The following UBAP2L variants were observed in gnomAD, a reference collection of about 807,000 sequenced individuals.
The protein encoded by UBAP2L is ubiquitin associated protein 2 like.
A neutral mutation model predicts 130.6 loss-of-function variants in UBAP2L; 12 were observed. The observed-to-expected ratio is 0.09, with a 90% CI of 0.06 to 0.15. The LOEUF is 0.15. Among genes scored for constraint, UBAP2L ranks in the 10% least tolerant of loss-of-function variants. The pLI is 1.00. For synonymous variants in UBAP2L, 503 were observed against 524.7 expected (o/e 0.96, Z 0.57); for missense variants, 965 against 1,332.5 (o/e 0.72, Z 4.29).
chr1:154,262,955 C>T, intron 24 of UBAP2L: 2 of 730,364 alleles, frequency 2.7e-6, no homozygotes, highest in South Asian at 2.0e-5. Flanking sequence ...AGAGAATTGG[C>T]ATACCTGATT....
At chr1:154,221,007 GGCGGCGGCGGCAGCGGCAGC>G in intron 1 of UBAP2L, 32 bp downstream of exon 1, 1 of 198,862 alleles carries the variant, frequency 5.0e-6, no homozygotes, top group South Asian at 6.0e-5. Flanking sequence ...CGTTGGCGGC[GGCGGCGGCGGCAGCGGCAGC>G]GCGGCGGGGC....
downstream of UBAP2L, chr1:154,271,043 T>A: frequency 8.5e-7 from 1 of 1,170,186 alleles, no homozygotes. Flanking sequence ...TTGAGGGGAT[T>A]TCCTTCCCCT....
At chr1:154,232,877 A>G (rs1180214670) in intron 4 of UBAP2L, among the ~76,000 whole-genome samples, 1 of 152,058 alleles carries the variant, frequency 6.6e-6, no homozygotes, top group African/African-American at 2.4e-5. Context: ...TTAAATTTTT[A>G]GTAGAGACCA....
chr1:154,256,938 C>A, intron 18 of UBAP2L, 125 bp from the exon 19 acceptor site: 1 of 1,118,770 alleles, frequency 8.9e-7, no homozygotes, highest in Non-Finnish European at 1.3e-6. Flanking sequence ...ACCTTGCCTA[C>A]TTGGCCTCTT....
chr1:154,225,263 C>G, intron 2 of UBAP2L, 50 bp downstream of exon 2: 3 of 1,585,424 alleles, frequency 1.9e-6, no homozygotes, highest in African/African-American at 2.7e-5. Flanking sequence ...CCTGCTGATA[C>G]TGGTTTCCAT....
At chr1:154,250,217 C>A (rs1677059089) in intron 12 of UBAP2L, among the ~76,000 whole-genome samples, 1 of 152,220 alleles carries the variant, frequency 6.6e-6, no homozygotes, top group South Asian at 2.1e-4. Flanking sequence ...TACCACCATG[C>A]CTGGCTAATT....
At chr1:154,255,486 T>C (rs1393842024) in intron 17 of UBAP2L, among the ~76,000 whole-genome samples, 160 bp downstream of exon 17, 4 of 152,220 alleles carry the variant, frequency 2.6e-5, no homozygotes, top group Non-Finnish European at 5.9e-5. Flanking sequence ...AGGAGGCTTG[T>C]TTTAATTTTC....
chr1:154,258,625 G>A (rs570074697), intron 20 of UBAP2L: 89 of 163,422 alleles, frequency 5.4e-4, no homozygotes, highest in Non-Finnish European at 8.7e-4. Context: ...TCTTTCCAGA[G>A]GAGATTATTT....
At position 154,270,636 on chromosome 1, in the gene UBAP2L, A is replaced by C. The variant is rs2149129027; in HGVS notation, c.*341A>C. Reference sequence around the variant, plus strand: ...GATGAGGCGGGGAGGTGGGACCCCCAAACATATATCAGCCCAACAGCCCTA... The same window carrying C: ...GATGAGGCGGGGAGGTGGGACCCCCCAACATATATCAGCCCAACAGCCCTA... On this transcript the variant is annotated 3_prime_UTR_variant, in exon 27 of 27. Coordinates refer to ENST00000428931, the MANE Select transcript of UBAP2L (RefSeq NM_014847.4). 7.1e-7 allele frequency: 1 copy of C among 1,412,686 alleles called. No homozygotes were observed. The highest frequency in any genetic ancestry group is 1.4e-5 in the African/African-American group (1 of 69,352). The allele number at this position is 1,412,686 out of a possible 1,614,324, so 87.5% of individuals were successfully genotyped here.
Position 154,243,322 on chromosome 1 carries a change from T to C in UBAP2L, c.842+20T>C. On this transcript the variant is annotated intron_variant, in intron 10 of 26. Transcript: ENST00000428931. The stretch of plus-strand genomic sequence containing the variant: ...TCAGAGGCAAGTGTGCAGTAAAATT[T>C]AGTACCATTTCTTAAACACATCTGC... 3.1e-6 allele frequency: 5 copies of C among 1,607,716 alleles called. No individual in the cohort carries two copies. The highest frequency in any genetic ancestry group is 2.6e-6 in the Non-Finnish European group (3 of 1,175,238).
rs11412846 is a variant in UBAP2L at position 154,254,816 on chromosome 1, GT to G, written c.1855-6del. On this transcript the variant is annotated intron_variant, in intron 15 of 26. Transcript: ENST00000428931. The stretch of plus-strand genomic sequence containing the variant: ...GAGTTTGTCTGTTTCTTGCTCTTCT[GT>G]TTTTTTTTTTTTTACCAGAATGGCT... 0.018 allele frequency: 25,354 copies of G among 1,439,338 alleles called. No individual in the cohort carries two copies. The highest frequency in any genetic ancestry group is 0.019 in the Non-Finnish European group (20,387 of 1,063,678). The allele number at this position is 1,439,338 out of a possible 1,614,324, so 89.2% of individuals were successfully genotyped here. A position where few individuals can be genotyped will look rare whatever the true frequency, so the allele number is the denominator to read the frequency against.
At chr1:154,236,105 G>A (rs937403855) in intron 6 of UBAP2L, among the ~76,000 whole-genome samples, 2 of 152,154 alleles carry the variant, frequency 1.3e-5, no homozygotes, top group Non-Finnish European at 1.5e-5. Flanking sequence ...AGTAATGATT[G>A]TCCTACTCTA....
chr1:154,257,382 C>A lies in UBAP2L; in HGVS notation c.2390C>A (p.Pro797Gln). The change falls in exon 20 of 27, where the codon CCG becomes CAG. Residue 797 changes from proline to glutamine, a missense_variant. This residue lies in a region of UBAP2L where 393 missense variants were observed against 408.1 expected (regional missense o/e 0.96). Transcript: ENST00000428931. ...CCCAACCTCCCTCCTGGGGTCCCGCCGTTGTTGCCTAATCCGTATATTATG... is the reference window on the plus strand; with the variant it reads ...CCCAACCTCCCTCCTGGGGTCCCGCAGTTGTTGCCTAATCCGTATATTATG... ...APPNLPPGVP[P>Q]LLPNPYIMAP... 1.2e-6 allele frequency: 2 copies of A among 1,613,524 alleles called. No homozygotes were observed. Among genetic ancestry groups the A allele is most frequent in the Non-Finnish European group, 1.7e-6 (2 of 1,180,046 alleles).
At chr1:154,231,403 C>T (rs1488804133) in intron 4 of UBAP2L, among the ~76,000 whole-genome samples, 2 of 151,234 alleles carry the variant, frequency 1.3e-5, no homozygotes, top group African/African-American at 2.4e-5. Flanking sequence ...TGGGCTCAAG[C>T]GTTTTTCCCA....
chr1:154,265,744 G>C (rs1404840278), intron 24 of UBAP2L, among the ~76,000 whole-genome samples: 3 of 151,888 alleles, frequency 2.0e-5, no homozygotes, highest in Non-Finnish European at 1.5e-5. Flanking sequence ...TGGGGTATGA[G>C]AGCTTTTATC....
chr1:154,257,226 C>T lies in UBAP2L; in HGVS notation c.2321C>T (p.Ala774Val). Residue 774 changes from alanine to valine, a missense_variant, in exon 19 of 27, where the codon GCC becomes GTC. Transcript: ENST00000428931. Reference protein sequence around the residue: ...LSLGSNSTVTASTRSSVATTS... With the variant: ...LSLGSNSTVTVSTRSSVATTS... Reference sequence around the variant, plus strand: ...CTAGGCAGCAACTCCACTGTCACAGCCTCGACTCGAAGCTCAGTTGCTACG... The same window carrying T: ...CTAGGCAGCAACTCCACTGTCACAGTCTCGACTCGAAGCTCAGTTGCTACG... 6.2e-7 allele frequency: 1 copy of T among 1,614,218 alleles called. No homozygotes were observed. Among genetic ancestry groups the T allele is most frequent in the Non-Finnish European group, 8.5e-7 (1 of 1,180,040 alleles).
rs755276636 is a variant in UBAP2L at position 154,257,398 on chromosome 1, G to A, written c.2406G>A (p.Pro802=). ...GGGTCCCGCCGTTGTTGCCTAATCC[G>A]TATATTATGGCTCCAGGGCTGTTAC... The part of the protein sequence containing the change: ...PPGVPPLLPN[P]YIMAPGLLHA... The change falls in exon 20 of 27, where the codon CCG becomes CCA. Residue 802 remains proline (P), a synonymous_variant. Transcript: ENST00000428931. The A allele has an allele frequency of 2.5e-6, 4 of 1,613,174 alleles. No homozygotes were observed. Among genetic ancestry groups the A allele is most frequent in the Middle Eastern group, 1.9e-4 (1 of 5,232 alleles).
chr1:154,225,274 G>A (rs971216247), intron 2 of UBAP2L, 61 bp downstream of exon 2: 1 of 1,545,808 alleles, frequency 6.5e-7, no homozygotes, highest in Non-Finnish European at 8.9e-7. Context: ...TGGTTTCCAT[G>A]CAGTACAGCA....
At chr1:154,230,617 T>C (rs1428691140) in intron 4 of UBAP2L, among the ~76,000 whole-genome samples, 1 of 151,564 alleles carries the variant, frequency 6.6e-6, no homozygotes, top group African/African-American at 2.4e-5. Flanking sequence ...AGTCTGAATG[T>C]TTTTTCGCAA....
Sources: allele counts gnomAD v4.1 joint callset (sites outside exome capture counted in the v4.1 genomes callset), GRCh38; gene constraint gnomAD v4.1.1; regional missense constraint gnomAD v4.1.1; transcripts MANE v1.5; gene names NCBI Gene and HGNC (gene_info 2026-07-23, HGNC 2026-07-21).